The following ULK4 variants were observed in gnomAD, a reference collection of about 807,000 sequenced individuals.
The protein encoded by ULK4 is unc-51 like kinase 4.
Under a neutral mutation model 160.6 loss-of-function variants are expected in ULK4, and 133 were observed. That is an observed-to-expected ratio of 0.83 (90% CI 0.72 to 0.96). The LOEUF is 0.96. ULK4 is among the 40% of genes least tolerant of loss of function. ULK4 has a pLI of 0.00. For synonymous variants in ULK4, 534 were observed against 539.8 expected (o/e 0.99, Z 0.15); for missense variants, 1,580 against 1,499.5 (o/e 1.05, Z -0.89).
rs7651623 is a variant in ULK4, at chr3:41,954,783, A to T, written c.-24T>A. On this transcript the variant is annotated 5_prime_UTR_variant, in exon 2 of 37. Transcript: ENST00000301831. Reference sequence around the variant, plus strand: ...ATCTCTGGGCCGACTTCTCACATACAATAGAATAACAGCATCTCTAGCTCC... The same window carrying T: ...ATCTCTGGGCCGACTTCTCACATACTATAGAATAACAGCATCTCTAGCTCC... The T allele has an allele frequency of 3.1e-6, 5 of 1,598,830 alleles. No individual in the cohort carries two copies. In the South Asian group the frequency reaches 5.7e-5, roughly 18 times the overall value.
At chr3:41,816,149 G>A (rs2040956895) in intron 19 of ULK4, among the ~76,000 whole-genome samples, 1 of 151,812 alleles carries the variant, frequency 6.6e-6, no homozygotes, top group East Asian at 1.9e-4. Flanking sequence ...TATATATAAA[G>A]TGGCTACATT....
chr3:41,773,994 G>C (rs140649127), intron 21 of ULK4, among the ~76,000 whole-genome samples: 4,543 of 152,212 alleles, frequency 0.03, 227 homozygotes, highest in African/African-American at 0.1. Context: ...TTTAATAAAT[G>C]GTGCTGGGAA....
intron 34 of ULK4, among the ~76,000 whole-genome samples, chr3:41,417,884 C>A (rs2082564746): frequency 6.6e-6 from 1 of 152,090 alleles, no homozygotes; most frequent in African/African-American, 2.4e-5. Flanking sequence ...TAAGTTAAAG[C>A]CACTTGAAAA....
chr3:41,293,742 A>T (rs1044665722), intron 35 of ULK4, among the ~76,000 whole-genome samples: 1 of 152,230 alleles, frequency 6.6e-6, no homozygotes, highest in Non-Finnish European at 1.5e-5. Flanking sequence ...TAACAATTAC[A>T]CTTGAAACAA....
chr3:41,300,157 C>T (rs953724100), intron 35 of ULK4, among the ~76,000 whole-genome samples: 2 of 152,136 alleles, frequency 1.3e-5, no homozygotes, highest in Admixed American at 1.3e-4. Context: ...AAAATGAGAG[C>T]ATTGGTTACA....
intron 2 of ULK4, among the ~76,000 whole-genome samples, chr3:41,951,093 C>T (rs552017716): frequency 2.6e-4 from 34 of 128,936 alleles, no homozygotes; most frequent in African/African-American, 9.8e-4. Context: ...TACAGTAAGC[C>T]GAGATTGTGT....
chr3:41,954,201 A>G (rs1700403651), intron 2 of ULK4, among the ~76,000 whole-genome samples: 1 of 150,742 alleles, frequency 6.6e-6, no homozygotes, highest in African/African-American at 2.4e-5. Flanking sequence ...AAAAAGAAAA[A>G]TACAAAAAAT....
chr3:41,605,983 C>T (rs2032365059), intron 31 of ULK4, among the ~76,000 whole-genome samples: 1 of 151,962 alleles, frequency 6.6e-6, no homozygotes, highest in Non-Finnish European at 1.5e-5. Context: ...CTAAGTAACA[C>T]TTCTAAATAA....
At chr3:41,326,160 C>T (rs988295953) in intron 35 of ULK4, among the ~76,000 whole-genome samples, 4 of 152,136 alleles carry the variant, frequency 2.6e-5, no homozygotes. Context: ...CAAGAACAGA[C>T]TGCTCTGATC....
chr3:41,774,033 A>C (rs1435592818), intron 21 of ULK4, among the ~76,000 whole-genome samples: 1 of 152,196 alleles, frequency 6.6e-6, no homozygotes, highest in African/African-American at 2.4e-5. Context: ...AGAAAGCTGA[A>C]ACTGGATCCC....
At chr3:41,506,408 A>G (rs541231671) in intron 32 of ULK4, among the ~76,000 whole-genome samples, 8 of 152,268 alleles carry the variant, frequency 5.3e-5, no homozygotes, top group Non-Finnish European at 7.4e-5. Context: ...AAATATAGGA[A>G]TCTACACTGG....
chr3:41,806,660 G>A (rs1233565346), intron 19 of ULK4, among the ~76,000 whole-genome samples: 1 of 152,024 alleles, frequency 6.6e-6, no homozygotes, highest in Non-Finnish European at 1.5e-5. Flanking sequence ...CTTTGAACAT[G>A]TCCCAGAGAT....
intron 30 of ULK4, among the ~76,000 whole-genome samples, chr3:41,647,865 A>C (rs1017321305): frequency 6.6e-6 from 1 of 152,212 alleles, no homozygotes; most frequent in Non-Finnish European, 1.5e-5. Flanking sequence ...TGAGCTTCCC[A>C]GCTGCTTTGT....
rs2038253504 is a variant in ULK4 at position 41,741,968 on chromosome 3, A to G, written c.2321+12393T>C. ...TCCAACCCAGAACTGTCCCCCCAAA[A>G]AAGTGCTAAGAAAAGCCTATTTTCC... On this transcript the variant is annotated intron_variant, in intron 22 of 36. Transcript: ENST00000301831. 2.0e-5 allele frequency among the ~76,000 whole-genome samples: 3 copies of G among 152,000 alleles called. 1 individual carries two copies. The South Asian group carries it at 6.2e-4, about 31-fold the overall frequency.
chr3:41,525,766 T>C (rs2086094321), intron 32 of ULK4, among the ~76,000 whole-genome samples: 1 of 152,262 alleles, frequency 6.6e-6, no homozygotes, highest in African/African-American at 2.4e-5. Flanking sequence ...ATTGCTTTTC[T>C]ATTTTTAACT....
intron 31 of ULK4, among the ~76,000 whole-genome samples, chr3:41,577,542 G>A (rs2088233818): frequency 6.6e-6 from 1 of 152,134 alleles, no homozygotes; most frequent in Admixed American, 6.5e-5. Context: ...TCACCCTGTT[G>A]TGTTATCAAA....
At chr3:41,476,582 T>A (rs2084151159) in intron 32 of ULK4, among the ~76,000 whole-genome samples, 1 of 152,176 alleles carries the variant, frequency 6.6e-6, no homozygotes, top group Admixed American at 6.5e-5. Flanking sequence ...GCCAGAGGCC[T>A]GACCCCTGGG....
chr3:41,706,374 TAATA>T (rs1559498253), intron 25 of ULK4, among the ~76,000 whole-genome samples: 1 of 145,764 alleles, frequency 6.9e-6, no homozygotes, highest in African/African-American at 2.5e-5. Context: ...TATATATATT[TAATA>T]TATATATTTA....
intron 22 of ULK4, among the ~76,000 whole-genome samples, chr3:41,736,089 C>T (rs1440409069): frequency 6.6e-6 from 1 of 151,432 alleles, no homozygotes; most frequent in Admixed American, 6.6e-5. Context: ...TCCAGTCTAT[C>T]ATTGTTGGAC....
Sources: gnomAD v4.1 joint callset for allele counts (sites outside exome capture counted in the v4.1 genomes callset) on GRCh38, gnomAD v4.1.1 for gene constraint, MANE v1.5 for transcripts, NCBI Gene and HGNC (gene_info 2026-07-23, HGNC 2026-07-21) for gene names.